KAZN: variants seen among roughly 807,000 people sequenced by gnomAD.
KAZN encodes the protein kazrin, periplakin interacting protein, also known as kazrin.
Under a neutral mutation model 87.4 loss-of-function variants are expected in KAZN, and 40 were observed. The ratio of observed to expected loss-of-function variants is 0.46; its 90% confidence interval spans 0.36 to 0.60. KAZN has a LOEUF of 0.60. Ranked by LOEUF, KAZN falls within the 20% of genes least tolerant of loss-of-function variation. KAZN has a pLI of 0.00. For synonymous variants in KAZN, 466 were observed against 458.3 expected (o/e 1.02, Z -0.22); for missense variants, 898 against 1,073.9 (o/e 0.84, Z 2.29).
intron 2 of KAZN, among the ~76,000 whole-genome samples, chr1:14,300,464 G>C (rs1654468394): frequency 6.6e-6 from 1 of 152,030 alleles, no homozygotes; most frequent in South Asian, 2.1e-4. Flanking sequence ...TCAAACTCTT[G>C]GGCTCAAGGG....
chr1:14,081,057 T>C lies in KAZN; in HGVS notation c.92-99378T>C, dbSNP rs562027121. On this transcript the variant is annotated intron_variant, in intron 1 of 16. Coordinates refer to the KAZN transcript ENST00000636203. ...GTTCATTCACCTTAATTAAAAATTA[T>C]CCAATGGATACATCTCTTTCCATCA... 8.5e-5 allele frequency among the ~76,000 whole-genome samples: 13 copies of C among 152,142 alleles called. No individual in the cohort carries two copies. In the South Asian group the frequency reaches 2.7e-3, roughly 32 times the overall value.
intron 1 of KAZN, among the ~76,000 whole-genome samples, chr1:14,090,507 T>C (rs988709374): frequency 5.9e-5 from 9 of 152,170 alleles, no homozygotes; most frequent in African/African-American, 1.4e-4. Flanking sequence ...TCCATTTCTC[T>C]CCAATGTTTC....
chr1:14,511,105 C>CG (rs1051300561), intron 2 of KAZN, among the ~76,000 whole-genome samples: 5 of 101,688 alleles, frequency 4.9e-5, no homozygotes, highest in African/African-American at 1.6e-4. Flanking sequence ...GAGTTATCTG[C>CG]GGGGGGTGGG....
At chr1:14,919,988 A>G (rs1403565922) in intron 1 of KAZN, among the ~76,000 whole-genome samples, 1 of 152,052 alleles carries the variant, frequency 6.6e-6, no homozygotes, top group Non-Finnish European at 1.5e-5. Context: ...ATTTCCCAGA[A>G]CGTCATTCTG....
intron 1 of KAZN, among the ~76,000 whole-genome samples, chr1:14,003,705 C>G (rs193029793): frequency 2.0e-5 from 3 of 152,134 alleles, no homozygotes; most frequent in African/African-American, 7.2e-5. Context: ...GCATGGTAGA[C>G]CTAATTGTGA....
intron 3 of KAZN, among the ~76,000 whole-genome samples, chr1:15,041,287 A>C (rs1573150186): frequency 6.8e-6 from 1 of 146,366 alleles, no homozygotes. Context: ...ATGCCCCTGC[A>C]GCCCCTCCTC....
intron 2 of KAZN, among the ~76,000 whole-genome samples, chr1:14,367,487 G>A (rs905374965): frequency 1.3e-5 from 2 of 152,110 alleles, no homozygotes; most frequent in African/African-American, 4.8e-5. Context: ...GGCCATGGGT[G>A]GTTTTGGAAA....
intron 1 of KAZN, among the ~76,000 whole-genome samples, chr1:14,906,614 T>C (rs1656609952): frequency 1.3e-5 from 2 of 151,776 alleles, no homozygotes; most frequent in South Asian, 2.1e-4. Context: ...TCACAAAACA[T>C]ATAAAGGGAA....
Position 14,090,566 on chromosome 1 carries a change from G to A in KAZN, c.92-89869G>A, listed in dbSNP as rs189809245. Among the ~76,000 whole-genome samples the A allele has an allele frequency of 2.0e-5, 3 of 152,194 alleles. No individual in the cohort carries two copies. In the East Asian group the frequency reaches 5.8e-4, roughly 29 times the overall value. On this transcript the variant is annotated intron_variant, in intron 1 of 16. Coordinates refer to the KAZN transcript ENST00000636203. ...GGCTATTTATAATGACTATTAAAATGCTCTTGTTTATTAACTCTAATTTCT... is the reference window on the plus strand; with the variant it reads ...GGCTATTTATAATGACTATTAAAATACTCTTGTTTATTAACTCTAATTTCT...
At chr1:14,583,378 G>A (rs915932975) in intron 2 of KAZN, among the ~76,000 whole-genome samples, 6 of 152,222 alleles carry the variant, frequency 3.9e-5, no homozygotes, top group African/African-American at 7.2e-5. Context: ...TGCCAGCCAC[G>A]AGAACACCTG....
intron 1 of KAZN, among the ~76,000 whole-genome samples, chr1:14,658,954 G>A (rs544805497): frequency 6.6e-6 from 1 of 152,246 alleles, no homozygotes; most frequent in South Asian, 2.1e-4. Flanking sequence ...GGCTGCCAGG[G>A]CTGGGAGCAA....
At chr1:14,281,240 A>G (rs991738834) in intron 2 of KAZN, among the ~76,000 whole-genome samples, 1 of 152,170 alleles carries the variant, frequency 6.6e-6, no homozygotes, top group African/African-American at 2.4e-5. Context: ...TTGCCACCAC[A>G]TTGGTAAATC....
chr1:13,934,036 G>T (rs987745666), intron 1 of KAZN, among the ~76,000 whole-genome samples: 1 of 152,184 alleles, frequency 6.6e-6, no homozygotes, highest in Admixed American at 6.5e-5. Flanking sequence ...ATACCTCCAC[G>T]CCTTTGAATA....
intron 1 of KAZN, among the ~76,000 whole-genome samples, chr1:14,905,055 C>T (rs1175531108): frequency 6.6e-6 from 1 of 152,096 alleles, no homozygotes; most frequent in African/African-American, 2.4e-5. Flanking sequence ...GCCACCATGC[C>T]CAGCCTTGTT....
At chr1:14,432,469 T>C (rs1666128715) in intron 2 of KAZN, among the ~76,000 whole-genome samples, 1 of 152,234 alleles carries the variant, frequency 6.6e-6, no homozygotes, top group Admixed American at 6.5e-5. Flanking sequence ...GGCAGACAGA[T>C]ATATGGGGTT....
At chr1:15,004,426 C>T (rs977228249) in intron 2 of KAZN, among the ~76,000 whole-genome samples, 1 of 152,210 alleles carries the variant, frequency 6.6e-6, no homozygotes, top group African/African-American at 2.4e-5. Flanking sequence ...GGGCATGGCT[C>T]TCAGCTTTGC....
At chr1:14,863,343 A>G (rs1026121018) in intron 1 of KAZN, among the ~76,000 whole-genome samples, 4 of 152,208 alleles carry the variant, frequency 2.6e-5, no homozygotes, top group Non-Finnish European at 5.9e-5. Flanking sequence ...TCGGGGCAGC[A>G]GACACTCTGT....
chr1:14,978,898 G>C (rs185548774), intron 2 of KAZN, among the ~76,000 whole-genome samples: 1 of 151,994 alleles, frequency 6.6e-6, no homozygotes, highest in East Asian at 2.0e-4. Context: ...GAGGGCAGTG[G>C]GAGGGAGGTT....
At chr1:13,997,933 T>C (rs892342456) in intron 1 of KAZN, among the ~76,000 whole-genome samples, 1 of 151,320 alleles carries the variant, frequency 6.6e-6, no homozygotes, top group Non-Finnish European at 1.5e-5. Context: ...TTCTCCAAGG[T>C]CGAAATGAAG....
Sources: allele counts gnomAD v4.1 joint callset (sites outside exome capture counted in the v4.1 genomes callset), GRCh38; gene constraint gnomAD v4.1.1; transcripts MANE v1.5; gene names NCBI Gene and HGNC (gene_info 2026-07-23, HGNC 2026-07-21).